Variants in CLINT1 observed in about 807,000 individuals in gnomAD.
CLINT1 encodes clathrin interactor 1.
A neutral mutation model predicts 70.4 loss-of-function variants in CLINT1; 15 were observed. That is an observed-to-expected ratio of 0.21 (90% CI 0.14 to 0.33). The LOEUF (loss-of-function observed/expected upper bound fraction) is 0.33. CLINT1 is among the 10% of genes least tolerant of loss of function. The pLI is 1.00. For missense variants in CLINT1, 615 were observed against 778.1 expected, an observed-to-expected ratio of 0.79 and a Z score of 2.49; for synonymous variants, 227 against 254.7, an observed-to-expected ratio of 0.89 and a Z score of 1.04.
Position 157,817,556 on chromosome 5 carries a change from G to GA in CLINT1, c.42-10dup, listed in dbSNP as rs760036405. On this transcript the variant is annotated splice_polypyrimidine_tract_variant and intron_variant, in intron 1 of 11. Transcript: ENST00000411809. The stretch of plus-strand genomic sequence containing the variant: ...TCATAACAACATTGGTGCTGTAGAG[G>GA]AAAAAAATGCACGCACACATGCACA... 1.3e-6 allele frequency: 2 copies of GA among 1,551,228 alleles called. No individual in the cohort carries two copies. The highest frequency in any genetic ancestry group is 1.8e-6 in the Non-Finnish European group (2 of 1,135,996).
At chr5:157,856,059 T>G (rs79526599) in intron 1 of CLINT1, among the ~76,000 whole-genome samples, 1,701 of 152,346 alleles carry the variant, frequency 0.011, 12 homozygotes, top group Non-Finnish European at 0.019. Flanking sequence ...TCACTGGGTA[T>G]CAATATACAC....
At chr5:157,808,647 G>T (rs978400823) in intron 6 of CLINT1, among the ~76,000 whole-genome samples, 1 of 152,116 alleles carries the variant, frequency 6.6e-6, no homozygotes, top group African/African-American at 2.4e-5. Flanking sequence ...ATATTGGTAA[G>T]TAAGAACAAA....
chr5:157,831,802 C>CCGT (rs1216832679), intron 1 of CLINT1, among the ~76,000 whole-genome samples: 1 of 150,886 alleles, frequency 6.6e-6, no homozygotes, highest in African/African-American at 2.4e-5. Flanking sequence ...CAAGCGATTC[C>CCGT]CATCTTACTC....
At chr5:157,829,113 A>C (rs561007461) in intron 1 of CLINT1, among the ~76,000 whole-genome samples, 36 of 151,670 alleles carry the variant, frequency 2.4e-4, no homozygotes, top group South Asian at 1.3e-3. Flanking sequence ...AACAACAACA[A>C]CAGCAACAAC....
intron 3 of CLINT1, among the ~76,000 whole-genome samples, chr5:157,814,541 A>C (rs1471559349): frequency 6.6e-6 from 1 of 152,228 alleles, no homozygotes; most frequent in Non-Finnish European, 1.5e-5. Flanking sequence ...GACTTAAAAG[A>C]ATAACACTGA....
chr5:157,819,049 A>G (rs982643153), intron 1 of CLINT1, among the ~76,000 whole-genome samples: 5 of 152,186 alleles, frequency 3.3e-5, no homozygotes, highest in Non-Finnish European at 7.3e-5. Context: ...TTCAGTCATC[A>G]AAAACTTCTA....
Position 157,806,078 on chromosome 5 carries a change from T to C in CLINT1, c.730A>G (p.Arg244Gly). The C allele has an allele frequency of 6.2e-7, 1 of 1,614,006 alleles. No individual in the cohort carries two copies. The highest frequency in any genetic ancestry group is 8.5e-7 in the Non-Finnish European group (1 of 1,179,884). Residue 244 changes from arginine to glycine, a missense_variant, in exon 7 of 12, where the codon AGA (arginine) becomes GGA (glycine). By Grantham distance (125) the Arg-to-Gly change is moderately radical (BLOSUM62 -2). This residue lies in a region of CLINT1 where 241 missense variants were observed against 368.6 expected (regional missense o/e 0.65). Coordinates refer to ENST00000411809, the MANE Select transcript of CLINT1 (RefSeq NM_014666.4). ...SDEEKKARRG[R>G]SPKGEFKDEE... Reference sequence around the variant, plus strand: ...TCTTTGAATTCACCTTTGGGAGATCTGCCTCTTCTCGCTTTCTTTTCCTCA... The same window carrying C: ...TCTTTGAATTCACCTTTGGGAGATCCGCCTCTTCTCGCTTTCTTTTCCTCA...
Position 157,791,765 on chromosome 5 carries a change from T to C in CLINT1, c.1318A>G (p.Met440Val), listed in dbSNP as rs112406734. 8 of 1,613,850 alleles carry C rather than the reference T, an allele frequency of 5.0e-6. No homozygotes were observed. The highest frequency in any genetic ancestry group is 1.6e-4 in the Middle Eastern group (1 of 6,084). ...SQATMTSSQS[M>V]NFSMMSTNTV... ...TTAGTGCTCATCATAGAGAAATTCA[T>C]ACTCTGGGAAGATGTCATGGTTGCC... The change falls in exon 10 of 12, where the codon ATG (methionine) becomes GTG (valine). Residue 440 changes from methionine (M) to valine (V), a missense_variant. This residue lies in a region of CLINT1 where 374 missense variants were observed against 409.6 expected (regional missense o/e 0.91). Coordinates refer to ENST00000411809, the MANE Select transcript of CLINT1 (RefSeq NM_014666.4).
chr5:157,855,163 G>T (rs6872801), intron 1 of CLINT1, among the ~76,000 whole-genome samples: 1 of 86,148 alleles, frequency 1.2e-5, no homozygotes, highest in Non-Finnish European at 2.3e-5. Flanking sequence ...AAGGCGGGGG[G>T]GGGGGCGGGT....
chr5:157,823,703 G>A (rs1762944759), intron 1 of CLINT1: 5 of 600,302 alleles, frequency 8.3e-6, no homozygotes, highest in Non-Finnish European at 1.0e-5. Context: ...CTCTTATTAA[G>A]TATAAATCTT....
intron 1 of CLINT1, among the ~76,000 whole-genome samples, chr5:157,857,841 T>G (rs1205384758): frequency 1.3e-5 from 2 of 152,240 alleles, no homozygotes; most frequent in Non-Finnish European, 1.5e-5. Flanking sequence ...GACAAGGCAC[T>G]GGAAATTACT....
At chr5:157,833,660 C>A (rs1763321202) in intron 1 of CLINT1, among the ~76,000 whole-genome samples, 2 of 152,082 alleles carry the variant, frequency 1.3e-5, no homozygotes, top group African/African-American at 4.8e-5. Flanking sequence ...ACCAGTGTAT[C>A]AGACCGGTGT....
rs752015407 is a variant in CLINT1, at chr5:157,801,027, T to C, written c.1012+2623A>G. Reference sequence around the variant, plus strand: ...TGACACTATATCTGTATTATATGACTACATGCTAACTACCAGTTAATTCTA... The same window carrying C: ...TGACACTATATCTGTATTATATGACCACATGCTAACTACCAGTTAATTCTA... On this transcript the variant is annotated intron_variant, in intron 8 of 11. Coordinates refer to ENST00000411809, the MANE Select transcript of CLINT1 (RefSeq NM_014666.4). 4.6e-5 allele frequency among the ~76,000 whole-genome samples: 7 copies of C among 152,248 alleles called. No individual in the cohort carries two copies. In the East Asian group the frequency reaches 1.3e-3, roughly 29 times the overall value.
intron 8 of CLINT1, among the ~76,000 whole-genome samples, chr5:157,797,478 C>G (rs865855612): frequency 6.6e-6 from 1 of 152,140 alleles, no homozygotes; most frequent in Non-Finnish European, 1.5e-5. Flanking sequence ...CTCCGCCTGC[C>G]AGGTTTAAGT....
chr5:157,789,620 T>G lies in CLINT1; in HGVS notation c.1381-107A>C, dbSNP rs1272688739. 2.8e-6 allele frequency: 4 copies of G among 1,428,496 alleles called. No individual in the cohort carries two copies. The East Asian group carries it at 9.1e-5, about 33-fold the overall frequency. 88.5% of individuals were successfully genotyped at this position (1,428,496 alleles called of 1,614,324 possible). On this transcript the variant is annotated intron_variant, in intron 10 of 11. Coordinates refer to ENST00000411809, the MANE Select transcript of CLINT1 (RefSeq NM_014666.4). Reference sequence around the variant, plus strand: ...TTAAGCATCTGTTCTATAAAAATTATCAGATGGCAATTTAATCACAACAAT... The same window carrying G: ...TTAAGCATCTGTTCTATAAAAATTAGCAGATGGCAATTTAATCACAACAAT...
chr5:157,837,648 A>ATTTTTTTTTTT (rs1281046781), intron 1 of CLINT1, among the ~76,000 whole-genome samples: 1 of 70,198 alleles, frequency 1.4e-5, no homozygotes, highest in Non-Finnish European at 3.0e-5. Flanking sequence ...AAGCTCTTTT[A>ATTTTTTTTTTT]CTTTTTTTTT....
At chr5:157,830,962 T>C (rs569551561) in intron 1 of CLINT1, among the ~76,000 whole-genome samples, 30 of 151,620 alleles carry the variant, frequency 2.0e-4, no homozygotes, top group Admixed American at 2.0e-3. Context: ...AAAGACTGCT[T>C]GGGCCTGGGA....
rs1561643310 is a variant in CLINT1 at position 157,803,550 on chromosome 5, C to T, written c.1012+100G>A. 4.1e-6 allele frequency: 3 copies of T among 737,184 alleles called. No homozygotes were observed. The East Asian group carries it at 9.5e-5, about 23-fold the overall frequency. 45.7% of individuals were successfully genotyped at this position (737,184 alleles called of 1,614,324 possible). The stretch of plus-strand genomic sequence containing the variant: ...TCACTAATTTCATATAAAAAATGAA[C>T]CCAATGCAAATAAGTAATCTTATTT... On this transcript the variant is annotated intron_variant, in intron 8 of 11. Coordinates refer to ENST00000411809, the MANE Select transcript of CLINT1 (RefSeq NM_014666.4).
intron 11 of CLINT1, among the ~76,000 whole-genome samples, chr5:157,788,928 C>CT (rs1761811234): frequency 7.2e-6 from 1 of 139,398 alleles, no homozygotes; most frequent in African/African-American, 2.7e-5. Flanking sequence ...GATTGCACCA[C>CT]TGCACTCTAG....
Sources: allele counts gnomAD v4.1 joint callset (sites outside exome capture counted in the v4.1 genomes callset), GRCh38; gene constraint gnomAD v4.1.1; regional missense constraint gnomAD v4.1.1; transcripts MANE v1.5; gene names NCBI Gene and HGNC (gene_info 2026-07-23, HGNC 2026-07-21).